RAPGEF2: variants seen among roughly 807,000 people sequenced by gnomAD.
RAPGEF2 encodes PDZ domain containing guanine nucleotide exchange factor (GEF) 1.
In RAPGEF2, 54 loss-of-function variants were observed where a neutral mutation model predicts 186.7. The observed-to-expected ratio is 0.29, with a 90% CI of 0.23 to 0.36. The LOEUF is 0.36. Among genes scored for constraint, RAPGEF2 ranks in the 10% least tolerant of loss-of-function variants. The probability of loss-of-function intolerance (pLI) is 1.00; values close to 1 mark genes in which losing one functional copy is unlikely to be tolerated. For missense variants in RAPGEF2, 1,532 were observed against 2,045.0 expected (o/e 0.75, Z 4.84); for synonymous variants, 712 against 705.9 (o/e 1.01, Z -0.14).
intron 7 of RAPGEF2, among the ~76,000 whole-genome samples, chr4:159,266,125 C>T (rs571487964): frequency 2.2e-4 from 33 of 151,230 alleles, no homozygotes; most frequent in South Asian, 2.1e-3. Flanking sequence ...GGGAGGACTC[C>T]GGTTGTGGGG....
At chr4:159,246,644 AC>A (rs1207641780) in intron 7 of RAPGEF2, among the ~76,000 whole-genome samples, 1 of 152,154 alleles carries the variant, frequency 6.6e-6, no homozygotes, top group Non-Finnish European at 1.5e-5. Context: ...TGAAAACATT[AC>A]AGCATTTAGT....
chr4:159,206,031 GC>G (rs1164849677), intron 3 of RAPGEF2, among the ~76,000 whole-genome samples: 2 of 151,822 alleles, frequency 1.3e-5, no homozygotes, highest in African/African-American at 4.8e-5. Flanking sequence ...CCGGGTTCAC[GC>G]CATTCTCCTG....
intron 11 of RAPGEF2, among the ~76,000 whole-genome samples, chr4:159,325,871 G>A (rs1005714831): frequency 6.6e-6 from 1 of 152,052 alleles, no homozygotes; most frequent in Non-Finnish European, 1.5e-5. Context: ...ACAAAGTGAG[G>A]GATTAGTAGG....
intron 7 of RAPGEF2, among the ~76,000 whole-genome samples, chr4:159,250,270 AACTT>A (rs1209735124): frequency 1.2e-4 from 19 of 152,256 alleles, no homozygotes; most frequent in African/African-American, 4.1e-4. Context: ...ACCACTAAAG[AACTT>A]ACTTATGTAA....
At chr4:159,338,178 A>G (rs1767736238) in intron 17 of RAPGEF2, 133 bp from the exon 18 acceptor site, 1 of 725,342 alleles carries the variant, frequency 1.4e-6, no homozygotes, top group African/African-American at 1.8e-5. Context: ...TTTTCAACCA[A>G]ATTTATTAAT....
chr4:159,207,206 A>G (rs1476638836), intron 3 of RAPGEF2, among the ~76,000 whole-genome samples: 1 of 152,198 alleles, frequency 6.6e-6, no homozygotes, highest in Non-Finnish European at 1.5e-5. Context: ...AGTGGTAGAG[A>G]TTACCACTTA....
chr4:159,229,729 A>G (rs753035432), intron 4 of RAPGEF2, among the ~76,000 whole-genome samples: 6 of 152,292 alleles, frequency 3.9e-5, no homozygotes, highest in Admixed American at 2.0e-4. Flanking sequence ...TAATTTTTAA[A>G]TTGTTTTGTA....
At chr4:159,216,915 TTAAC>T (rs1342427997) in intron 4 of RAPGEF2, among the ~76,000 whole-genome samples, 1 of 152,168 alleles carries the variant, frequency 6.6e-6, no homozygotes, top group Non-Finnish European at 1.5e-5. Context: ...AACAGGACAT[TTAAC>T]TAATCAGTTT....
intron 2 of RAPGEF2, among the ~76,000 whole-genome samples, chr4:159,188,518 G>A: frequency 6.6e-6 from 1 of 151,970 alleles, no homozygotes; most frequent in Non-Finnish European, 1.5e-5. Flanking sequence ...ACAAAAATTA[G>A]CGGGGCGTGT....
intron 4 of RAPGEF2, among the ~76,000 whole-genome samples, chr4:159,222,916 TTATA>T (rs141718364): frequency 0.25 from 37,889 of 148,924 alleles, 5,287 homozygotes; most frequent in African/African-American, 0.38. Context: ...ATGAGTTGAA[TTATA>T]TATATATATA....
intron 4 of RAPGEF2, among the ~76,000 whole-genome samples, chr4:159,238,062 A>C (rs1395290896): frequency 6.6e-6 from 1 of 151,582 alleles, no homozygotes; most frequent in East Asian, 1.9e-4. Flanking sequence ...TTTGTGAATG[A>C]GTGAGGTGTT....
intron 1 of RAPGEF2, among the ~76,000 whole-genome samples, chr4:159,137,247 C>A (rs1002315780): frequency 3.3e-5 from 5 of 152,142 alleles, no homozygotes; most frequent in African/African-American, 1.2e-4. Flanking sequence ...GGCCAGAAGT[C>A]CAAGATTAAG....
At chr4:159,184,351 CCCA>C (rs1747341489) in intron 1 of RAPGEF2, among the ~76,000 whole-genome samples, 1 of 152,166 alleles carries the variant, frequency 6.6e-6, no homozygotes, top group Non-Finnish European at 1.5e-5. Flanking sequence ...AGTTTAGAGT[CCCA>C]CCAACAGTGT....
intron 1 of RAPGEF2, among the ~76,000 whole-genome samples, chr4:159,184,499 T>C (rs1747356049): frequency 6.6e-6 from 1 of 152,238 alleles, no homozygotes; most frequent in Admixed American, 6.5e-5. Context: ...CCAGTGATGA[T>C]GAGCATTTTT....
intron 2 of RAPGEF2, among the ~76,000 whole-genome samples, chr4:159,188,485 G>A (rs1747776825): frequency 6.6e-6 from 1 of 151,910 alleles, no homozygotes; most frequent in African/African-American, 2.4e-5. Flanking sequence ...CCAACGTGGT[G>A]AAACCCCATC....
chr4:159,150,555 GA>G (rs1743430843), intron 1 of RAPGEF2, among the ~76,000 whole-genome samples: 1 of 152,156 alleles, frequency 6.6e-6, no homozygotes, highest in South Asian at 2.1e-4. Context: ...ACAAGAATGG[GA>G]AAAACCTGAG....
At chr4:159,340,671 ACAC>A (rs1729288483) in intron 19 of RAPGEF2, among the ~76,000 whole-genome samples, 4 of 138,238 alleles carry the variant, frequency 2.9e-5, no homozygotes, top group African/African-American at 9.0e-5. Flanking sequence ...CCATCACCAC[ACAC>A]ACACACACAC....
At chr4:159,177,435 C>G (rs1024030103) in intron 1 of RAPGEF2, among the ~76,000 whole-genome samples, 15 of 152,090 alleles carry the variant, frequency 9.9e-5, no homozygotes, top group Non-Finnish European at 7.4e-5. Flanking sequence ...TAATTTCAGC[C>G]ACACAGCCTA....
chr4:159,192,973 G>A (rs1316658516), intron 2 of RAPGEF2, among the ~76,000 whole-genome samples: 1 of 152,170 alleles, frequency 6.6e-6, no homozygotes. Context: ...TGGTGAAGTT[G>A]ACATCTTACT....
Sources: gnomAD v4.1 joint callset for allele counts (sites outside exome capture counted in the v4.1 genomes callset) on GRCh38, gnomAD v4.1.1 for gene constraint, MANE v1.5 for transcripts, NCBI Gene and HGNC (gene_info 2026-07-23, HGNC 2026-07-21) for gene names.